The following APOL4 variants were observed in gnomAD, a reference collection of about 807,000 sequenced individuals.
APOL4 encodes apolipoprotein L4, also known as apolipoprotein L, 4.
A neutral mutation model predicts 12.1 loss-of-function variants in APOL4; 14 were observed. The observed-to-expected ratio is 1.16, with a 90% CI of 0.76 to 1.81. The LOEUF is 1.81. Ranked by LOEUF, APOL4 falls within the 40% of genes most tolerant of loss-of-function variation. APOL4 has a pLI of 0.00. For missense variants in APOL4, 432 were observed against 423.1 expected (o/e 1.02, Z -0.18); for synonymous variants, 171 against 160.6 (o/e 1.06, Z -0.49).
In APOL4 at chr22:36,197,750, G is replaced by A. The variant is rs1160544223; in HGVS notation, c.82+1580C>T. On this transcript the variant is annotated intron_variant, in intron 2 of 3. Coordinates refer to ENST00000683024, the MANE Select transcript of APOL4 (RefSeq NM_001386885.1). ...GTCACAGAAAGAACAAGAACTCCAG[G>A]CAGCAGGTTCACATAATGGACACAG... 3.2e-6 allele frequency: 5 copies of A among 1,550,528 alleles called. 1 individual carries two copies. The South Asian group carries it at 5.9e-5, about 18-fold the overall frequency.
At position 36,191,079 on chromosome 22, in the gene APOL4, C is replaced by A; in HGVS notation, c.1043G>T (p.Gly348Val). The change falls in exon 4 of 4, where the codon GGC (glycine) becomes GTC (valine). Residue 348 changes from glycine to valine, a missense_variant. By Grantham distance (109) the Gly-to-Val change is moderately radical (BLOSUM62 -3). Coordinates refer to ENST00000683024, the MANE Select transcript of APOL4 (RefSeq NM_001386885.1). ...GACTTCCCGCAACAATTGGGCCTAG[C>A]CTGCTTTTAGACTCTGATGGATATG... ...LTHIHQSLKA[G>V] is the part of the protein sequence containing the mutation. The A allele has an allele frequency of 1.3e-6, 2 of 1,595,128 alleles. No individual in the cohort carries two copies. Among genetic ancestry groups the A allele is most frequent in the African/African-American group, 1.3e-5 (1 of 74,638 alleles).
chr22:36,194,658 C>T (rs1223726434), intron 3 of APOL4, among the ~76,000 whole-genome samples: 1 of 152,186 alleles, frequency 6.6e-6, no homozygotes, highest in African/African-American at 2.4e-5. Context: ...CATAAACCAA[C>T]AGCCCCAGAG....
At position 36,197,853 on chromosome 22, in the gene APOL4, A is replaced by T. The variant is rs1283075904; in HGVS notation, c.82+1477T>A. On this transcript the variant is annotated intron_variant, in intron 2 of 3. Coordinates refer to ENST00000683024, the MANE Select transcript of APOL4 (RefSeq NM_001386885.1). ...GACCCTGACAAACAGGAAGTGGCCA[A>T]TCTGGCTAAGACCAGTAAGATCTAA... is the stretch of plus-strand genomic sequence containing the variant. 9.1e-6 allele frequency: 14 copies of T among 1,542,176 alleles called. No homozygotes were observed. In the East Asian group the frequency reaches 3.4e-4, roughly 38 times the overall value.
chr22:36,200,561 T>G (rs2014541214), intron 1 of APOL4, among the ~76,000 whole-genome samples: 1 of 152,260 alleles, frequency 6.6e-6, no homozygotes, highest in Non-Finnish European at 1.5e-5. Flanking sequence ...CTGATGGACC[T>G]TAGGGTGTTT....
chr22:36,195,809 CACACA>C lies in APOL4; in HGVS notation c.83-377_83-373del, dbSNP rs1402601110. Among the ~76,000 whole-genome samples the C allele has an allele frequency of 8.6e-5, 13 of 150,882 alleles. No individual in the cohort carries two copies. In the East Asian group the frequency reaches 2.6e-3, roughly 30 times the overall value. On this transcript the variant is annotated intron_variant, in intron 2 of 3. Coordinates refer to ENST00000683024, the MANE Select transcript of APOL4 (RefSeq NM_001386885.1). ...ACACACACACACACACACACACACA[CACACA>C]CACCACTGTGAAGGCCATGTGAGGA... is the stretch of plus-strand genomic sequence containing the variant.
intron 2 of APOL4, among the ~76,000 whole-genome samples, chr22:36,199,023 C>T (rs1222894659): frequency 6.6e-6 from 1 of 152,248 alleles, no homozygotes; most frequent in Non-Finnish European, 1.5e-5. Flanking sequence ...CCTGCTGTTT[C>T]CATTTCCCCA....
At position 36,193,194 on chromosome 22, in the gene APOL4, C is replaced by T. The variant is rs145553597; in HGVS notation, c.210-1282G>A. Among the ~76,000 whole-genome samples the T allele has an allele frequency of 4.9e-3, 742 of 152,310 alleles. 9 individuals carry two copies. Among genetic ancestry groups the T allele is most frequent in the African/African-American group, 0.016 (684 of 41,570 alleles). ...AGGCCAGTTTAGCAGGAACCCCCCA[C>T]TCTGGTGTCTCCTGTCAGTCCTGTT... is the stretch of plus-strand genomic sequence containing the variant. On this transcript the variant is annotated intron_variant, in intron 3 of 3. Transcript: ENST00000683024.
chr22:36,197,697 G>A, intron 2 of APOL4: 1 of 1,550,514 alleles, frequency 6.4e-7, no homozygotes, highest in South Asian at 1.2e-5. Flanking sequence ...GCTGACAGAG[G>A]GCCATGCTGA....
upstream of APOL4, among the ~76,000 whole-genome samples, chr22:36,203,427 G>T (rs1416854156): frequency 6.6e-6 from 1 of 152,190 alleles, no homozygotes; most frequent in Admixed American, 6.5e-5. Flanking sequence ...GTATGTAGAA[G>T]TACAGTGCAT....
At chr22:36,194,603 A>G (rs1359335231) in intron 3 of APOL4, among the ~76,000 whole-genome samples, 3 of 152,134 alleles carry the variant, frequency 2.0e-5, no homozygotes, top group East Asian at 1.9e-4. Context: ...CATCTGATTG[A>G]ATTACTAATA....
At chr22:36,204,680 T>A, upstream of APOL4, 1 of 731,300 alleles carries the variant, frequency 1.4e-6, no homozygotes, top group Non-Finnish European at 2.0e-6. Flanking sequence ...GTCTGAGCTG[T>A]GTGGATCTCA....
chr22:36,204,599 G>C (rs1259766906), upstream of APOL4: 2 of 419,566 alleles, frequency 4.8e-6, no homozygotes, highest in Non-Finnish European at 8.2e-6. Flanking sequence ...ATAAGGAGAT[G>C]GAGGGAGGTC....
Position 36,191,066 on chromosome 22 carries a change from C to A in APOL4, c.*9G>T. ...GTTTGGGGTCCCTGACTTCCCGCAA[C>A]AATTGGGCCTAGCCTGCTTTTAGAC... On this transcript the variant is annotated 3_prime_UTR_variant, in exon 4 of 4. Coordinates refer to ENST00000683024, the MANE Select transcript of APOL4 (RefSeq NM_001386885.1). 1 of 1,578,902 alleles carries A rather than the reference C, an allele frequency of 6.3e-7. No homozygotes were observed.
intron 3 of APOL4, among the ~76,000 whole-genome samples, chr22:36,194,212 CAGA>C (rs1254198511): frequency 6.6e-6 from 1 of 152,128 alleles, no homozygotes; most frequent in Non-Finnish European, 1.5e-5. Flanking sequence ...CTATGTAGAA[CAGA>C]AGAAGGTTTC....
intron 3 of APOL4, among the ~76,000 whole-genome samples, chr22:36,192,597 G>A (rs1180452203): frequency 6.6e-6 from 1 of 152,108 alleles, no homozygotes; most frequent in African/African-American, 2.4e-5. Context: ...TCATTCAGAG[G>A]ATCATAGAAC....
In APOL4 at chr22:36,191,912, C is replaced by T; in HGVS notation, c.210G>A (p.Arg70=). ...KRFVRVAELP[R]EEADALYEAL... ...CTTCATAGAGAGCATCTGCCTCTTC[C>T]CTGTACCAATAAAGGACAGATGATT... Residue 70 remains arginine, a splice_region_variant and synonymous_variant, in exon 4 of 4, where the codon AGG becomes AGA. Transcript: ENST00000683024. 1 of 1,582,406 alleles carries T rather than the reference C, an allele frequency of 6.3e-7. No individual in the cohort carries two copies. The highest frequency in any genetic ancestry group is 2.2e-5 in the East Asian group (1 of 44,706).
chr22:36,191,845 C>T lies in APOL4; in HGVS notation c.277G>A (p.Asp93Asn). The T allele has an allele frequency of 6.2e-7, 1 of 1,613,452 alleles. No individual in the cohort carries two copies. The highest frequency in any genetic ancestry group is 8.5e-7 in the Non-Finnish European group (1 of 1,179,966). ...AACTGCTGTTCTTTTTGCTGCATGT[C>T]TTTGTCCTCAATAGCCACATATGGT... is the stretch of plus-strand genomic sequence containing the variant. ...LTPYVAIEDK[D>N]MQQKEQQFRE... The change falls in exon 4 of 4, where the codon GAC becomes AAC. Residue 93 changes from aspartate (D) to asparagine (N), a missense_variant. Coordinates refer to ENST00000683024, the MANE Select transcript of APOL4 (RefSeq NM_001386885.1).
At chr22:36,200,016 C>T (rs796754682) in intron 1 of APOL4, among the ~76,000 whole-genome samples, 9 of 152,008 alleles carry the variant, frequency 5.9e-5, no homozygotes, top group African/African-American at 1.9e-4. Flanking sequence ...ACCGTGTTAG[C>T]CAGGATGGTC....
rs6000180 is a variant in APOL4 at position 36,200,086 on chromosome 22, C to T, written c.36-710G>A. ...CCTCCCAAAGTGCTGGGATTACAGG[C>T]GTGAGCGGTCGCGCCGGGCCTGTGA... On this transcript the variant is annotated intron_variant, in intron 1 of 3. Coordinates refer to ENST00000683024, the MANE Select transcript of APOL4 (RefSeq NM_001386885.1). Among the ~76,000 whole-genome samples, 750 of 150,808 alleles carry T rather than the reference C, an allele frequency of 5.0e-3. 8 individuals are homozygous for T. Among genetic ancestry groups the T allele is most frequent in the African/African-American group, 0.018 (725 of 41,042 alleles).
Sources: gnomAD v4.1 joint callset for allele counts (sites outside exome capture counted in the v4.1 genomes callset) on GRCh38, gnomAD v4.1.1 for gene constraint, MANE v1.5 for transcripts, NCBI Gene and HGNC (gene_info 2026-07-23, HGNC 2026-07-21) for gene names.